DHRSX: variants seen among roughly 807,000 people sequenced by gnomAD.
The protein encoded by DHRSX is dehydrogenase/reductase X-linked.
Under a neutral mutation model 34.0 loss-of-function variants are expected in DHRSX, and 31 were observed. The observed-to-expected ratio is 0.91, with a 90% confidence interval of 0.69 to 1.23. The LOEUF (loss-of-function observed/expected upper bound fraction) is 1.23. Ranked by LOEUF, DHRSX falls within the 50% of genes most tolerant of loss-of-function variation. The pLI is 0.00. For synonymous variants in DHRSX, 201 were observed against 183.8 expected, an observed-to-expected ratio of 1.09 and a Z score of -0.76; for missense variants, 414 against 428.1, an observed-to-expected ratio of 0.97 and a Z score of 0.29.
chrX:2,364,991 G>A (rs746369505), intron 3 of DHRSX, among the ~76,000 whole-genome samples: 4 of 151,960 alleles, frequency 2.6e-5, no homozygotes, highest in South Asian at 2.1e-4. Context: ...GCAAAATTTC[G>A]CCTCCTCAGG....
At chrX:2,344,421 T>C (rs1272918638) in intron 3 of DHRSX, among the ~76,000 whole-genome samples, 1 of 151,996 alleles carries the variant, frequency 6.6e-6, no homozygotes, top group African/African-American at 2.4e-5. Flanking sequence ...AGTTCAACCA[T>C]TGTGGAAGAC....
Position 2,221,186 on chromosome X carries a change from G to A in DHRSX, c.848C>T (p.Thr283Ile), listed in dbSNP as rs143631197. Residue 283 changes from threonine (T) to isoleucine (I), a missense_variant, in exon 7 of 7, where the codon ACC (threonine) becomes ATC (isoleucine). By Grantham distance (89) the Thr-to-Ile change is moderately conservative (BLOSUM62 -1). Transcript: ENST00000334651. Reference sequence around the variant, plus strand: ...GCCACCAACTCCTTCCAGCTCTGGGGTGACTGCTGCGTAGATGGAAGTCCA... The same window carrying A: ...GCCACCAACTCCTTCCAGCTCTGGGATGACTGCTGCGTAGATGGAAGTCCA... ...GAWTSIYAAV[T>I]PELEGVGGHY... 3.1e-6 allele frequency: 5 copies of A among 1,613,788 alleles called. No individual in the cohort carries two copies. The highest frequency in any genetic ancestry group is 1.3e-5 in the African/African-American group (1 of 74,904).
At chrX:2,221,621 A>G (rs941818874) in intron 6 of DHRSX, among the ~76,000 whole-genome samples, 3 of 152,202 alleles carry the variant, frequency 2.0e-5, no homozygotes, top group African/African-American at 4.8e-5. Context: ...TAGCAATTAG[A>G]TGAAACATCA....
At chrX:2,428,569 A>G (rs2043878258) in intron 1 of DHRSX, among the ~76,000 whole-genome samples, 1 of 152,174 alleles carries the variant, frequency 6.6e-6, no homozygotes, top group Non-Finnish European at 1.5e-5. Context: ...GAGTTGAACA[A>G]TGAGAACACA....
At chrX:2,404,295 G>A (rs749664796) in intron 3 of DHRSX, among the ~76,000 whole-genome samples, 5 of 152,098 alleles carry the variant, frequency 3.3e-5, no homozygotes, top group East Asian at 1.9e-4. Flanking sequence ...TGACAGGCCC[G>A]GAGAAGGCAC....
intron 3 of DHRSX, among the ~76,000 whole-genome samples, chrX:2,404,858 G>A (rs1199483862): frequency 6.6e-6 from 1 of 152,056 alleles, no homozygotes; most frequent in Non-Finnish European, 1.5e-5. Context: ...TCAACCCCTC[G>A]GTGTCTCTAA....
intron 3 of DHRSX, among the ~76,000 whole-genome samples, chrX:2,333,377 T>C (rs1038006742): frequency 6.6e-6 from 1 of 152,144 alleles, no homozygotes; most frequent in Non-Finnish European, 1.5e-5. Context: ...CATGGGAGTT[T>C]GGTGTACAGA....
intron 3 of DHRSX, among the ~76,000 whole-genome samples, chrX:2,345,937 A>G (rs2042703695): frequency 6.6e-6 from 1 of 152,152 alleles, no homozygotes; most frequent in South Asian, 2.1e-4. Context: ...TGTGCTTTCT[A>G]TCAGTACACA....
chrX:2,308,489 C>T lies in DHRSX; in HGVS notation c.287-16886G>A, dbSNP rs191747742. ...CCAAGTAGAAATGGCCCTAGTCACA[C>T]AAGACAGCAATGATTGAAGTCTAAA... On this transcript the variant is annotated intron_variant, in intron 3 of 6. Coordinates refer to ENST00000334651, the MANE Select transcript of DHRSX (RefSeq NM_145177.3). Among the ~76,000 whole-genome samples, 4 of 152,212 alleles carry T rather than the reference C, an allele frequency of 2.6e-5. No individual in the cohort carries two copies. The East Asian group carries it at 5.8e-4, about 22-fold the overall frequency.
intron 1 of DHRSX, among the ~76,000 whole-genome samples, chrX:2,465,286 T>A (rs1441523069): frequency 6.6e-6 from 1 of 152,110 alleles, no homozygotes; most frequent in Non-Finnish European, 1.5e-5. Context: ...CCCAGCTAGG[T>A]GAGCCACGGA....
chrX:2,304,437 T>C (rs1204574383), intron 3 of DHRSX, among the ~76,000 whole-genome samples: 2 of 152,122 alleles, frequency 1.3e-5, no homozygotes, highest in African/African-American at 4.8e-5. Context: ...TCAAGTTGAA[T>C]TGGAATCCCC....
chrX:2,306,472 T>TC (rs1337967093), intron 3 of DHRSX, among the ~76,000 whole-genome samples: 12 of 151,792 alleles, frequency 7.9e-5, no homozygotes, highest in Non-Finnish European at 7.4e-5. Flanking sequence ...TCTTTTTTTT[T>TC]TTTTTTTGAG....
At chrX:2,300,059 G>A (rs2041993162) in intron 3 of DHRSX, among the ~76,000 whole-genome samples, 2 of 152,096 alleles carry the variant, frequency 1.3e-5, no homozygotes, top group South Asian at 4.1e-4. Context: ...CAAATCGCCT[G>A]GTTTGGAGGA....
intron 5 of DHRSX, among the ~76,000 whole-genome samples, chrX:2,264,252 C>G (rs1313418381): frequency 6.6e-6 from 1 of 152,004 alleles, no homozygotes. Flanking sequence ...CCCAGAGCAC[C>G]GCTACCCAGC....
intron 3 of DHRSX, among the ~76,000 whole-genome samples, chrX:2,407,621 A>T (rs1356755021): frequency 6.6e-6 from 1 of 152,144 alleles, no homozygotes; most frequent in African/African-American, 2.4e-5. Flanking sequence ...CTTATTCGGG[A>T]GCATTTGCAA....
intron 3 of DHRSX, among the ~76,000 whole-genome samples, chrX:2,390,880 C>T (rs1250857593): frequency 1.4e-4 from 20 of 148,138 alleles, no homozygotes; most frequent in African/African-American, 4.5e-4. Context: ...GCTTATCCAT[C>T]TGCCTGTGGA....
At chrX:2,327,704 G>A (rs1038160318) in intron 3 of DHRSX, among the ~76,000 whole-genome samples, 1 of 152,134 alleles carries the variant, frequency 6.6e-6, no homozygotes, top group Non-Finnish European at 1.5e-5. Flanking sequence ...ACCATATTTG[G>A]AGATAGTCTT....
chrX:2,492,798 CTT>C (rs1208578271), intron 1 of DHRSX, among the ~76,000 whole-genome samples: 1 of 152,224 alleles, frequency 6.6e-6, no homozygotes, highest in Admixed American at 6.5e-5. Context: ...CCCTGAGACA[CTT>C]TGATTACAGA....
At chrX:2,402,464 G>A (rs2043498018) in intron 3 of DHRSX, among the ~76,000 whole-genome samples, 2 of 152,232 alleles carry the variant, frequency 1.3e-5, no homozygotes, top group Non-Finnish European at 1.5e-5. Flanking sequence ...GTTGTGGGCA[G>A]CAGATACCAC....
Sources: gnomAD v4.1 joint callset for allele counts (sites outside exome capture counted in the v4.1 genomes callset) on GRCh38, gnomAD v4.1.1 for gene constraint, MANE v1.5 for transcripts, NCBI Gene and HGNC (gene_info 2026-07-23, HGNC 2026-07-21) for gene names.